TXNDC11: variants seen among roughly 807,000 people sequenced by gnomAD.
TXNDC11 encodes thioredoxin domain-containing protein 11.
A neutral mutation model predicts 78.0 loss-of-function variants in TXNDC11; 68 were observed. The observed-to-expected ratio is 0.87, with a 90% confidence interval of 0.72 to 1.07. The LOEUF (loss-of-function observed/expected upper bound fraction) is 1.07. TXNDC11 is among the 50% of genes least tolerant of loss of function. TXNDC11 has a pLI of 0.00. For synonymous variants in TXNDC11, 571 were observed against 495.2 expected, an observed-to-expected ratio of 1.15 and a Z score of -2.03; for missense variants, 1,389 against 1,221.8, an observed-to-expected ratio of 1.14 and a Z score of -2.04.
At chr16:11,692,510 C>T (rs146774931) in intron 7 of TXNDC11, among the ~76,000 whole-genome samples, 5 of 151,828 alleles carry the variant, frequency 3.3e-5, no homozygotes, top group African/African-American at 1.2e-4. Context: ...TTAAGTGAAA[C>T]GGCAAAAGTC....
At chr16:11,725,098 T>C (rs2051836529) in intron 4 of TXNDC11, among the ~76,000 whole-genome samples, 1 of 152,192 alleles carries the variant, frequency 6.6e-6, no homozygotes, top group African/African-American at 2.4e-5. Context: ...AATCTCCCTT[T>C]ATGGGATCTC....
chr16:11,689,989 T>A (rs2050665395), intron 8 of TXNDC11: 1 of 152,244 alleles, frequency 6.6e-6, no homozygotes, highest in African/African-American at 2.4e-5. Flanking sequence ...AATATTTACA[T>A]AAAGCCTTTT....
At position 11,742,194 on chromosome 16, in the gene TXNDC11, A is replaced by C. The variant is rs138524394; in HGVS notation, c.254+283T>G. On this transcript the variant is annotated intron_variant, in intron 1 of 11. Coordinates refer to ENST00000283033, the MANE Select transcript of TXNDC11 (RefSeq NM_015914.7). Reference sequence around the variant, plus strand: ...CGAAGTGACAGGTCCACCCCTAGTGACTCCAACAGGTGAGGAGCACCCCCG... The same window carrying C: ...CGAAGTGACAGGTCCACCCCTAGTGCCTCCAACAGGTGAGGAGCACCCCCG... 1.2e-3 allele frequency: 476 copies of C among 394,574 alleles called. 12 individuals are homozygous for C. The East Asian group carries it at 0.019, about 16-fold the overall frequency. 24.4% of individuals were successfully genotyped at this position (394,574 alleles called of 1,614,324 possible).
chr16:11,737,311 G>A (rs1041255647), intron 1 of TXNDC11, among the ~76,000 whole-genome samples: 3 of 151,902 alleles, frequency 2.0e-5, no homozygotes, highest in African/African-American at 7.3e-5. Context: ...TGGGCGTGGT[G>A]ATGGGCGCCT....
chr16:11,704,789 T>C (rs1418786726), intron 5 of TXNDC11, among the ~76,000 whole-genome samples: 1 of 152,068 alleles, frequency 6.6e-6, no homozygotes. Flanking sequence ...AACCAACACA[T>C]TGCGATATGG....
At chr16:11,686,207 C>T (rs1379755310) in intron 10 of TXNDC11, among the ~76,000 whole-genome samples, 1 of 152,256 alleles carries the variant, frequency 6.6e-6, no homozygotes, top group Non-Finnish European at 1.5e-5. Flanking sequence ...ATCCGCCCAC[C>T]TCGGCCTCCC....
intron 5 of TXNDC11, among the ~76,000 whole-genome samples, chr16:11,709,421 G>GTTT (rs1247645639): frequency 2.8e-4 from 17 of 61,132 alleles, no homozygotes; most frequent in African/African-American, 7.8e-4. Flanking sequence ...CTAATTTTTT[G>GTTT]TATTTTTTTT....
chr16:11,717,944 G>GA, intron 5 of TXNDC11, among the ~76,000 whole-genome samples: 1 of 150,996 alleles, frequency 6.6e-6, no homozygotes, highest in Non-Finnish European at 1.5e-5. Context: ...GAGCCCTGGA[G>GA]AAAAAAGGAA....
intron 10 of TXNDC11, among the ~76,000 whole-genome samples, chr16:11,685,566 G>A (rs1032909325): frequency 2.7e-5 from 4 of 149,530 alleles, no homozygotes; most frequent in Middle Eastern, 3.6e-3. Flanking sequence ...GGAGAATGGC[G>A]TGAACCCGGG....
chr16:11,698,456 C>T (rs2141027071), intron 6 of TXNDC11, 131 bp from the exon 7 acceptor site: 2 of 733,046 alleles, frequency 2.7e-6, no homozygotes, highest in South Asian at 3.5e-5. Context: ...CCTGGCCCCA[C>T]TGTGCAGCTA....
chr16:11,684,411 T>G (rs1328096932), intron 10 of TXNDC11, among the ~76,000 whole-genome samples, 166 bp from the exon 11 acceptor site: 2 of 152,196 alleles, frequency 1.3e-5, no homozygotes, highest in Non-Finnish European at 2.9e-5. Flanking sequence ...GCGCTGATAC[T>G]TCCAAGACAT....
intron 5 of TXNDC11, among the ~76,000 whole-genome samples, chr16:11,712,257 C>T (rs1202135682): frequency 6.6e-6 from 1 of 152,144 alleles, no homozygotes; most frequent in East Asian, 1.9e-4. Context: ...CTAAATTTGG[C>T]TCTGAGCTTC....
At chr16:11,689,388 A>C (rs1355896007) in intron 8 of TXNDC11, among the ~76,000 whole-genome samples, 1 of 152,248 alleles carries the variant, frequency 6.6e-6, no homozygotes, top group Non-Finnish European at 1.5e-5. Flanking sequence ...GCATCTGAGA[A>C]ACACTTAGTT....
At chr16:11,684,328 AAC>A in intron 10 of TXNDC11, 83 bp from the exon 11 acceptor site, 1 of 1,026,300 alleles carries the variant, frequency 9.7e-7, no homozygotes, top group Non-Finnish European at 1.5e-6. Context: ...TAACTTCAAG[AAC>A]CTGGTGCATT....
At chr16:11,717,934 G>A (rs573455788) in intron 5 of TXNDC11, among the ~76,000 whole-genome samples, 2 of 151,982 alleles carry the variant, frequency 1.3e-5, no homozygotes, top group Non-Finnish European at 2.9e-5. Flanking sequence ...CACTGAGGCC[G>A]AGCCCTGGAG....
At position 11,713,379 on chromosome 16, in the gene TXNDC11, ACAGT is replaced by A. The variant is rs560413942; in HGVS notation, c.793+8194_793+8197del. Among the ~76,000 whole-genome samples the A allele has an allele frequency of 1.8e-4, 27 of 152,294 alleles. 1 individual carries two copies. The highest frequency in any genetic ancestry group is 3.4e-3 in the Middle Eastern group (1 of 294). On this transcript the variant is annotated intron_variant, in intron 5 of 11. Transcript: ENST00000283033. ...GCTAAAATAATGTCAACTGAATTAA[ACAGT>A]CAGTTTTAGGTGTGGGGACATAAAG...
chr16:11,722,551 G>A (rs2051741182), intron 4 of TXNDC11, among the ~76,000 whole-genome samples: 1 of 152,124 alleles, frequency 6.6e-6, no homozygotes, highest in South Asian at 2.1e-4. Flanking sequence ...GAAGACCTAA[G>A]CTCAAGTCTG....
Position 11,721,567 on chromosome 16 carries a change from C to G in TXNDC11, c.793+10G>C. 1 of 1,532,760 alleles carries G rather than the reference C, an allele frequency of 6.5e-7. No individual in the cohort carries two copies. Among genetic ancestry groups the G allele is most frequent in the Non-Finnish European group, 9.0e-7 (1 of 1,109,924 alleles). The allele number at this position is 1,532,760 out of a possible 1,614,324, so 94.9% of individuals were successfully genotyped here. ...GAAGTAACAATGTCTTAATATGAATCATTTTTTACCTTTCTTTAATGAATG... is the reference window on the plus strand; with the variant it reads ...GAAGTAACAATGTCTTAATATGAATGATTTTTTACCTTTCTTTAATGAATG... On this transcript the variant is annotated intron_variant, in intron 5 of 11. Coordinates refer to ENST00000283033, the MANE Select transcript of TXNDC11 (RefSeq NM_015914.7).
At chr16:11,713,688 T>TTTG (rs1222691921) in intron 5 of TXNDC11, among the ~76,000 whole-genome samples, 2 of 152,174 alleles carry the variant, frequency 1.3e-5, no homozygotes, top group Non-Finnish European at 2.9e-5. Flanking sequence ...AGTGCTGGGA[T>TTTG]TACAGGTATG....
Sources: gnomAD v4.1 joint callset for allele counts (sites outside exome capture counted in the v4.1 genomes callset) on GRCh38, gnomAD v4.1.1 for gene constraint, MANE v1.5 for transcripts, NCBI Gene and HGNC (gene_info 2026-07-23, HGNC 2026-07-21) for gene names.